The following RPH3A variants were observed in gnomAD, a reference collection of about 807,000 sequenced individuals.
RPH3A encodes the protein rabphilin 3A, also known as rabphilin-3A.
A neutral mutation model predicts 102.2 loss-of-function variants in RPH3A; 48 were observed. The observed-to-expected ratio is 0.47, with a 90% CI of 0.37 to 0.60. The LOEUF is 0.60. Ranked by LOEUF, RPH3A falls within the 20% of genes least tolerant of loss-of-function variation. The probability of loss-of-function intolerance (pLI) is 0.00; values close to 1 mark genes in which losing one functional copy is unlikely to be tolerated. For missense variants in RPH3A, 781 were observed against 910.1 expected (o/e 0.86, Z 1.83); for synonymous variants, 310 against 324.3 (o/e 0.96, Z 0.47).
chr12:112,686,392 T>A (rs914764688), intron 1 of RPH3A, among the ~76,000 whole-genome samples: 2 of 152,222 alleles, frequency 1.3e-5, no homozygotes, highest in African/African-American at 4.8e-5. Flanking sequence ...TATTTATTCA[T>A]TTATTTATTC....
rs116480293 is a variant in RPH3A, at chr12:112,821,663, C to T, written c.-18-6638C>T. 3.4e-3 allele frequency among the ~76,000 whole-genome samples: 512 copies of T among 152,318 alleles called. 4 individuals carry two copies. Among genetic ancestry groups the T allele is most frequent in the African/African-American group, 0.012 (480 of 41,574 alleles). Reference sequence around the variant, plus strand: ...CACCTATTTAAAATCACACTTCCCCCCAAGTTCCCAATCATCCTTCCCTCT... The same window carrying T: ...CACCTATTTAAAATCACACTTCCCCTCAAGTTCCCAATCATCCTTCCCTCT... On this transcript the variant is annotated intron_variant, in intron 2 of 21. Coordinates refer to ENST00000389385, the MANE Select transcript of RPH3A (RefSeq NM_001143854.2).
At chr12:112,790,113 A>G (rs1033559809), upstream of RPH3A, among the ~76,000 whole-genome samples, 6 of 151,746 alleles carry the variant, frequency 4.0e-5, no homozygotes, top group South Asian at 8.3e-4. Flanking sequence ...TTGGAGTGTA[A>G]TGGTGCAACC....
intron 1 of RPH3A, among the ~76,000 whole-genome samples, chr12:112,649,624 G>A (rs2039959166): frequency 1.3e-5 from 2 of 152,190 alleles, no homozygotes; most frequent in Non-Finnish European, 2.9e-5. Context: ...ATATTTTGAG[G>A]AATACTGCAT....
At chr12:112,742,957 T>A (rs2040720197) in intron 1 of RPH3A, among the ~76,000 whole-genome samples, 1 of 152,186 alleles carries the variant, frequency 6.6e-6, no homozygotes, top group African/African-American at 2.4e-5. Context: ...TTCTAGCGGC[T>A]GCACATATTC....
At chr12:112,751,930 G>A (rs570584241) in intron 1 of RPH3A, among the ~76,000 whole-genome samples, 18 of 152,092 alleles carry the variant, frequency 1.2e-4, no homozygotes, top group African/African-American at 4.1e-4. Context: ...ATGCAAAGAT[G>A]CTCTTTACAT....
chr12:112,841,173 T>TTAAAAAAAAAAAAAAAAA (rs535321182), intron 4 of RPH3A, among the ~76,000 whole-genome samples: 5 of 33,370 alleles, frequency 1.5e-4, no homozygotes, highest in African/African-American at 5.5e-4. Context: ...CCTTGTTTCT[T>TTAAAAAAAAAAAAAAAAA]AAAAAAAAAA....
At chr12:112,806,635 T>TTAA (rs147366367) in intron 2 of RPH3A, among the ~76,000 whole-genome samples, 1 of 146,818 alleles carries the variant, frequency 6.8e-6, no homozygotes, top group African/African-American at 2.5e-5. Flanking sequence ...TCTCAAAAAT[T>TTAA]AAAAAAAAAA....
chr12:112,745,499 AC>A (rs1282257356), intron 1 of RPH3A, among the ~76,000 whole-genome samples: 4 of 151,764 alleles, frequency 2.6e-5, no homozygotes, highest in Admixed American at 2.0e-4. Context: ...TCTTCTTCCC[AC>A]CCTCCATTTA....
At chr12:112,609,304 G>A (rs1458908317) in intron 1 of RPH3A, among the ~76,000 whole-genome samples, 2 of 152,182 alleles carry the variant, frequency 1.3e-5, no homozygotes, top group African/African-American at 4.8e-5. Flanking sequence ...CTGGCCTCAA[G>A]TGATCCTCCC....
intron 1 of RPH3A, among the ~76,000 whole-genome samples, chr12:112,736,237 T>C (rs1399844959): frequency 6.6e-6 from 1 of 152,164 alleles, no homozygotes; most frequent in African/African-American, 2.4e-5. Context: ...CCCCCACCAG[T>C]TGTGACAACT....
intron 1 of RPH3A, among the ~76,000 whole-genome samples, chr12:112,632,275 A>G (rs1444495607): frequency 6.6e-6 from 1 of 152,110 alleles, no homozygotes; most frequent in Non-Finnish European, 1.5e-5. Context: ...AGTCTCAGGT[A>G]TGTCTTTATC....
rs374402903 is a variant in RPH3A at position 112,725,766 on chromosome 12, TTTGTTGTTGTTGTTG to T, written c.-139-66347_-139-66333del. Reference sequence around the variant, plus strand: ...ATATTTAGGGAAGATGAGTGTAGTTTTTGTTGTTGTTGTTGTTGTTGTTGTTGTTGTTGTTGTTGT... The same window carrying T: ...ATATTTAGGGAAGATGAGTGTAGTTTTTGTTGTTGTTGTTGTTGTTGTTGT... On this transcript the variant is annotated intron_variant, in intron 1 of 21. Coordinates refer to the RPH3A transcript ENST00000543106. 6.5e-3 allele frequency among the ~76,000 whole-genome samples: 966 copies of T among 148,596 alleles called. 13 individuals carry two copies. The highest frequency in any genetic ancestry group is 0.022 in the African/African-American group (896 of 40,060).
chr12:112,712,925 C>CTCTTATTCTTCT lies in RPH3A; in HGVS notation c.-139-79214_-139-79213insATTCTTCTTCTT, dbSNP rs59408440. 1.7e-3 allele frequency among the ~76,000 whole-genome samples: 161 copies of CTCTTATTCTTCT among 94,564 alleles called. 8 individuals are homozygous for CTCTTATTCTTCT. In the East Asian group the frequency reaches 0.044, roughly 26 times the overall value. 62.0% of individuals were successfully genotyped at this position (94,564 alleles called of 152,430 possible). ...CTTCCTCTTCTTCTTCTTCTTCTTC[C>CTCTTATTCTTCT]TCTTCTTCTTCTTCTTCTTCTTCTT... On this transcript the variant is annotated intron_variant, in intron 1 of 21. Coordinates refer to the RPH3A transcript ENST00000543106.
At chr12:112,682,217 G>A (rs1474689804) in intron 1 of RPH3A, among the ~76,000 whole-genome samples, 3 of 152,178 alleles carry the variant, frequency 2.0e-5, no homozygotes, top group African/African-American at 7.2e-5. Context: ...TCCATGATAT[G>A]CTGTCTGTGA....
chr12:112,711,759 G>C (rs1426170649), intron 1 of RPH3A, among the ~76,000 whole-genome samples: 1 of 152,168 alleles, frequency 6.6e-6, no homozygotes, highest in Non-Finnish European at 1.5e-5. Flanking sequence ...AACCCATACT[G>C]CTTGCTGGGG....
intron 5 of RPH3A, among the ~76,000 whole-genome samples, chr12:112,853,015 C>T (rs998834896): frequency 9.9e-5 from 15 of 152,164 alleles, no homozygotes; most frequent in African/African-American, 3.6e-4. Context: ...GGCATCCAGA[C>T]GCCGTGATGG....
At chr12:112,847,602 T>G in intron 4 of RPH3A, 94 bp from the exon 5 acceptor site, 1 of 1,370,312 alleles carries the variant, frequency 7.3e-7, no homozygotes, top group Non-Finnish European at 1.0e-6. Context: ...GAGATGATCC[T>G]TTTGTCCACA....
At chr12:112,891,531 A>T (rs1019402342) in intron 19 of RPH3A, among the ~76,000 whole-genome samples, 2 of 152,242 alleles carry the variant, frequency 1.3e-5, no homozygotes, top group African/African-American at 4.8e-5. Flanking sequence ...CAAGGGGTTT[A>T]TCAGGGGAAA....
At chr12:112,658,772 G>A (rs527424569) in intron 1 of RPH3A, among the ~76,000 whole-genome samples, 1 of 152,350 alleles carries the variant, frequency 6.6e-6, no homozygotes, top group South Asian at 2.1e-4. Flanking sequence ...GCTGCTAAGT[G>A]TTTGATCTAT....
Sources: allele counts gnomAD v4.1 joint callset (sites outside exome capture counted in the v4.1 genomes callset), GRCh38; gene constraint gnomAD v4.1.1; transcripts MANE v1.5; gene names NCBI Gene and HGNC (gene_info 2026-07-23, HGNC 2026-07-21).